TTLL10: variants seen among roughly 807,000 people sequenced by gnomAD.
TTLL10 encodes inactive polyglycylase TTLL10.
Under a neutral mutation model 69.0 loss-of-function variants are expected in TTLL10, and 61 were observed. The observed-to-expected ratio is 0.88, with a 90% CI of 0.72 to 1.09. TTLL10 has a LOEUF of 1.09. Among genes scored for constraint, TTLL10 ranks in the 50% least tolerant of loss-of-function variants. The probability of loss-of-function intolerance (pLI) is 0.00; values close to 1 mark genes in which losing one functional copy is unlikely to be tolerated. For synonymous variants in TTLL10, 408 were observed against 393.3 expected (o/e 1.04, Z -0.44); for missense variants, 962 against 945.9 (o/e 1.02, Z -0.22).
Position 1,183,923 on chromosome 1 carries a change from C to T in TTLL10, c.1092C>T (p.Tyr364=). ...AGCCCCGACATGGTGCCCCCAGGTA[C>T]ATCCAGAACCCGCTGCTGGTGGACG... is the stretch of plus-strand genomic sequence containing the variant. ...RGPQARVVQR[Y]IQNPLLVDGR... Residue 364 remains tyrosine (Y), a synonymous_variant, in exon 12 of 16, where the codon TAC becomes TAT. Transcript: ENST00000379289. The T allele has an allele frequency of 6.2e-7, 1 of 1,614,184 alleles. No individual in the cohort carries two copies. Among genetic ancestry groups the T allele is most frequent in the Non-Finnish European group, 8.5e-7 (1 of 1,180,022 alleles).
Position 1,180,319 on chromosome 1 carries a change from G to C in TTLL10, c.485G>C (p.Gly162Ala), listed in dbSNP as rs765772425. The change falls in exon 6 of 16, where the codon GGA becomes GCA. Residue 162 changes from glycine (G) to alanine (A), a missense_variant. Coordinates refer to ENST00000379289, the MANE Select transcript of TTLL10 (RefSeq NM_001130045.2). ...STRPGPFFYI[G>A]GSNGATIISS... Reference sequence around the variant, plus strand: ...CGGCCGGGGCCCTTCTTCTACATTGGAGGCAGCAACGGGGCCACAATGTGA... The same window carrying C: ...CGGCCGGGGCCCTTCTTCTACATTGCAGGCAGCAACGGGGCCACAATGTGA... The C allele has an allele frequency of 5.1e-6, 8 of 1,580,806 alleles. No homozygotes were observed. The East Asian group carries it at 1.2e-4, about 23-fold the overall frequency.
In TTLL10 at chr1:1,181,810, A is replaced by C; in HGVS notation, c.825A>C (p.Pro275=). The C allele has an allele frequency of 6.2e-7, 1 of 1,606,184 alleles. No individual in the cohort carries two copies. Among genetic ancestry groups the C allele is most frequent in the South Asian group, 1.1e-5 (1 of 89,142 alleles). ...GGACAAGCCCAGGATACCTCAGGCC[A>C]CAGAGGTAGACTCAGCCCAGCTGTG... ...LPWTSPGYLR[P]QRVLRMEEFF... is the part of the protein sequence containing the mutation. Residue 275 remains proline (P), a synonymous_variant, in exon 9 of 16, where the codon CCA becomes CCC. Transcript: ENST00000379289. The surrounding 1 kb of genome is among the most constrained non-coding windows in gnomAD (Gnocchi z 4.6).
chr1:1,175,905 G>C lies in TTLL10; in HGVS notation c.-28+1416G>C, dbSNP rs1199495711. On this transcript the variant is annotated intron_variant, in intron 3 of 15. Coordinates refer to ENST00000379289, the MANE Select transcript of TTLL10 (RefSeq NM_001130045.2). ...GAGAGGCTGCCGCTGTGCCGGTGGA[G>C]AGGCTGCTGCTCCCAGCCGCTGTGC... The C allele has an allele frequency of 9.0e-6, 4 of 444,114 alleles. No homozygotes were observed. In the East Asian group the frequency reaches 2.9e-4, roughly 32 times the overall value. The allele number at this position is 444,114 out of a possible 1,614,324, so 27.5% of individuals were successfully genotyped here. A position where few individuals can be genotyped will look rare whatever the true frequency, so the allele number is the denominator to read the frequency against.
chr1:1,174,747 C>T (rs11260543), intron 3 of TTLL10: 13,489 of 152,304 alleles, frequency 0.089, 753 homozygotes, highest in African/African-American at 0.15. Context: ...CAGCGGCTCC[C>T]GGCGCTTGGG....
chr1:1,189,518 G>A (rs1191410639), intron 13 of TTLL10, among the ~76,000 whole-genome samples: 2 of 152,094 alleles, frequency 1.3e-5, no homozygotes, highest in Non-Finnish European at 2.9e-5. Context: ...GAGGATTTTT[G>A]TGTCTGTGCT....
intron 13 of TTLL10, among the ~76,000 whole-genome samples, chr1:1,193,316 C>A (rs965944049): frequency 6.6e-6 from 1 of 152,112 alleles, no homozygotes; most frequent in Non-Finnish European, 1.5e-5. Context: ...CAGAGCGAGA[C>A]TCCGTCTCAA....
intron 13 of TTLL10, among the ~76,000 whole-genome samples, chr1:1,194,760 G>A (rs1357679800): frequency 6.6e-6 from 1 of 152,194 alleles, no homozygotes; most frequent in African/African-American, 2.4e-5. Flanking sequence ...TTGGAAGTTT[G>A]CTGATGAGGT....
intron 13 of TTLL10, among the ~76,000 whole-genome samples, chr1:1,187,902 C>A (rs1299412410): frequency 9.7e-5 from 13 of 134,496 alleles, no homozygotes; most frequent in African/African-American, 3.5e-4. Context: ...AAGACTCCAT[C>A]TCAAAAAAAA....
rs900902327 is a variant in TTLL10 at position 1,181,458 on chromosome 1, C to A, written c.756-283C>A. Reference sequence around the variant, plus strand: ...CCCTCCTCACTTCATTTGGCCCAGACATTTTTGCACCAAGCACCCGCCCAG... The same window carrying A: ...CCCTCCTCACTTCATTTGGCCCAGAAATTTTTGCACCAAGCACCCGCCCAG... On this transcript the variant is annotated intron_variant, in intron 8 of 15. Transcript: ENST00000379289. This position sits in a 1 kb window ranked among gnomAD's most constrained non-coding sequence, Gnocchi z 4.6. Among the ~76,000 whole-genome samples the A allele has an allele frequency of 6.6e-6, 1 of 152,060 alleles. No individual in the cohort carries two copies. The highest frequency in any genetic ancestry group is 1.5e-5 in the Non-Finnish European group (1 of 68,028).
In TTLL10 at chr1:1,193,609, G is replaced by A. The variant is rs547502943; in HGVS notation, c.1402-2991G>A. On this transcript the variant is annotated intron_variant, in intron 13 of 15. Transcript: ENST00000379289. The stretch of plus-strand genomic sequence containing the variant: ...CTCCCTAGTAGCTGGGATTACAGGC[G>A]CATGCCACCACACCCGGCTAATTTT... Among the ~76,000 whole-genome samples the A allele has an allele frequency of 2.4e-4, 36 of 151,696 alleles. No individual in the cohort carries two copies. In the South Asian group the frequency reaches 3.8e-3, roughly 16 times the overall value.
chr1:1,184,289 G>A (rs759385729), intron 12 of TTLL10, among the ~76,000 whole-genome samples, 198 bp downstream of exon 12: 8 of 152,222 alleles, frequency 5.3e-5, no homozygotes, highest in Admixed American at 6.5e-5. Context: ...TTTTGGCCAC[G>A]TCAGAAGAAG....
rs1646967438 is a variant in TTLL10 at position 1,179,296 on chromosome 1, G to A, written c.81G>A (p.Arg27=). Residue 27 remains arginine (R), a synonymous_variant, in exon 4 of 16, where the codon AGG becomes AGA. Transcript: ENST00000379289. ...RTRAGFKRGK[R]PRIQQRPRAR... is the part of the protein sequence containing the mutation. ...GAGCCGGCTTCAAGAGGGGCAAGAG[G>A]CCAAGGATCCAGCAGAGGCCTCGGG... The A allele has an allele frequency of 3.9e-6, 6 of 1,551,258 alleles. No individual in the cohort carries two copies. Among genetic ancestry groups the A allele is most frequent in the Non-Finnish European group, 5.2e-6 (6 of 1,146,834 alleles).
intron 11 of TTLL10, 63 bp downstream of exon 11, chr1:1,183,110 C>G: frequency 6.6e-7 from 1 of 1,509,436 alleles, no homozygotes; most frequent in Non-Finnish European, 8.9e-7. Flanking sequence ...CCCACTGGTG[C>G]AGTCAGCAGG....
Position 1,184,667 on chromosome 1 carries a change from T to C in TTLL10, c.1261-302T>C, listed in dbSNP as rs535473409. On this transcript the variant is annotated intron_variant, in intron 12 of 15. Transcript: ENST00000379289. ...CCCCCAGAGAACAGGCCTTCTAGGT[T>C]AGGGGGATGTTCTCTTGGGGACCCC... is the stretch of plus-strand genomic sequence containing the variant. Among the ~76,000 whole-genome samples, 466 of 151,864 alleles carry C rather than the reference T, an allele frequency of 3.1e-3. 1 individual carries two copies. The highest frequency in any genetic ancestry group is 0.011 in the African/African-American group (442 of 41,274).
rs528250170 is a variant in TTLL10, at chr1:1,178,598, C to G, written c.-27-591C>G. ...AAAAGTTCTCACCTCCCAAGCAGCC[C>G]CAAGATGGGTTTGTTTGCTGGAGAC... is the stretch of plus-strand genomic sequence containing the variant. On this transcript the variant is annotated intron_variant, in intron 3 of 15. Coordinates refer to ENST00000379289, the MANE Select transcript of TTLL10 (RefSeq NM_001130045.2). Among the ~76,000 whole-genome samples, 14 of 152,192 alleles carry G rather than the reference C, an allele frequency of 9.2e-5. No homozygotes were observed. In the South Asian group the frequency reaches 2.7e-3, roughly 29 times the overall value.
At chr1:1,177,519 G>A (rs182104554) in intron 3 of TTLL10, among the ~76,000 whole-genome samples, 137 of 152,300 alleles carry the variant, frequency 9.0e-4, no homozygotes, top group African/African-American at 3.2e-3. Context: ...CATCATATTA[G>A]CCAGGATGGT....
chr1:1,179,502 C>T (rs1479503777), intron 4 of TTLL10, 155 bp from the exon 5 acceptor site: 9 of 1,347,264 alleles, frequency 6.7e-6, no homozygotes, highest in Middle Eastern at 2.0e-4. Flanking sequence ...GCGCCGGGCT[C>T]TGCAGGCACA....
chr1:1,192,318 T>C (rs2100913837), intron 13 of TTLL10, among the ~76,000 whole-genome samples: 1 of 152,372 alleles, frequency 6.6e-6, no homozygotes, highest in East Asian at 1.9e-4. Flanking sequence ...AAATTTTCCT[T>C]TAATCTGCAG....
chr1:1,196,814 G>C (rs893109986), intron 14 of TTLL10, 98 bp downstream of exon 14: 3 of 939,264 alleles, frequency 3.2e-6, no homozygotes, highest in Non-Finnish European at 5.1e-6. Flanking sequence ...GGCAGAATCT[G>C]CAGTCAGCCC....
Sources: allele counts gnomAD v4.1 joint callset (sites outside exome capture counted in the v4.1 genomes callset), GRCh38; gene constraint gnomAD v4.1.1; non-coding constraint Gnocchi (gnomAD v3.1); transcripts MANE v1.5; gene names NCBI Gene and HGNC (gene_info 2026-07-23, HGNC 2026-07-21).